The following ZNF684 variants were observed in gnomAD, a reference collection of about 807,000 sequenced individuals.
ZNF684 encodes zinc finger protein 684, also known as hypothetical protein MGC27466.
ZNF684 carries 13 observed loss-of-function variants against 12.8 expected under a neutral mutation model. The observed-to-expected ratio is 1.02, with a 90% CI of 0.66 to 1.62. The LOEUF (loss-of-function observed/expected upper bound fraction) is 1.62. ZNF684 is among the 40% of genes most tolerant of loss of function. The probability of loss-of-function intolerance (pLI) is 0.00; values close to 1 mark genes in which losing one functional copy is unlikely to be tolerated. For synonymous variants in ZNF684, 118 were observed against 151.8 expected, an observed-to-expected ratio of 0.78 and a Z score of 1.64; for missense variants, 384 against 446.9, an observed-to-expected ratio of 0.86 and a Z score of 1.27.
rs1199300584 is a variant in ZNF684, at chr1:40,541,648, A to G, written c.176A>G (p.Lys59Arg). 6.8e-6 allele frequency: 11 copies of G among 1,613,410 alleles called. No homozygotes were observed. The highest frequency in any genetic ancestry group is 1.1e-5 in the South Asian group (1 of 91,056). Residue 59 changes from lysine (K) to arginine (R), a missense_variant, in exon 4 of 5, where the codon AAG (lysine) becomes AGG (arginine). Coordinates refer to ENST00000372699, the MANE Select transcript of ZNF684 (RefSeq NM_152373.4). The stretch of plus-strand genomic sequence containing the variant: ...ATTACCAAAACAAAAGTGATCCTCA[A>G]GGTAGAGCAAGGACAAGAGCCATGG... ...CPITKTKVIL[K>R]VEQGQEPWMV...
chr1:40,546,997 T>A lies in ZNF684; in HGVS notation c.674T>A (p.Met225Lys). The A allele has an allele frequency of 6.2e-7, 1 of 1,614,120 alleles. No individual in the cohort carries two copies. The highest frequency in any genetic ancestry group is 8.5e-7 in the Non-Finnish European group (1 of 1,179,948). ...TGCAATGATTGTGGGAAGGCGTTTA[T>A]GCATAAAGCCCAACTCGTGGTCCAC... is the stretch of plus-strand genomic sequence containing the variant. ...FVCNDCGKAF[M>K]HKAQLVVHQR... The change falls in exon 5 of 5, where the codon ATG becomes AAG. Residue 225 changes from methionine (M) to lysine (K), a missense_variant. Transcript: ENST00000372699.
chr1:40,541,790 C>A, intron 4 of ZNF684, 80 bp downstream of exon 4: 1 of 1,161,038 alleles, frequency 8.6e-7, no homozygotes, highest in South Asian at 1.3e-5. Flanking sequence ...TTCTGAAATA[C>A]TCTTAGAAGC....
rs1345370219 is a variant in ZNF684 at position 40,547,521 on chromosome 1, A to G, written c.*61A>G. On this transcript the variant is annotated 3_prime_UTR_variant, in exon 5 of 5. Coordinates refer to ENST00000372699, the MANE Select transcript of ZNF684 (RefSeq NM_152373.4). Reference sequence around the variant, plus strand: ...TATTTGCTAAATCTTATTAAATACTAAAGAATTCATGGTGAGAAGTCTACA... The same window carrying G: ...TATTTGCTAAATCTTATTAAATACTGAAGAATTCATGGTGAGAAGTCTACA... The G allele has an allele frequency of 2.5e-5, 35 of 1,396,042 alleles. No homozygotes were observed. The highest frequency in any genetic ancestry group is 3.1e-5 in the Non-Finnish European group (33 of 1,049,624). The allele number at this position is 1,396,042 out of a possible 1,614,324, so 86.5% of individuals were successfully genotyped here. A position where few individuals can be genotyped will look rare whatever the true frequency, so the allele number is the denominator to read the frequency against.
At chr1:40,544,305 C>A in intron 4 of ZNF684, 1 of 315,862 alleles carries the variant, frequency 3.2e-6, no homozygotes, top group South Asian at 2.4e-5. Flanking sequence ...AAATATTTTC[C>A]CTGGTGGTTT....
intron 3 of ZNF684, 103 bp downstream of exon 3, chr1:40,540,815 T>C (rs1646010490): frequency 1.7e-6 from 2 of 1,190,758 alleles, no homozygotes; most frequent in Non-Finnish European, 2.2e-6. Flanking sequence ...CGCTCATGCT[T>C]ATAATCCCAG....
chr1:40,540,652 G>T lies in ZNF684; in HGVS notation c.82G>T (p.Ala28Ser), dbSNP rs1287408950. The T allele has an allele frequency of 1.2e-6, 2 of 1,612,620 alleles. No homozygotes were observed. Among genetic ancestry groups the T allele is most frequent in the Admixed American group, 3.3e-5 (2 of 59,844 alleles). ...TAEEWQLLDC[A>S]ERTLYWDVML... ...AGAGGAGTGGCAGCTGCTTGATTGT[G>T]CTGAGAGAACCCTGTATTGGGATGT... The change falls in exon 3 of 5, where the codon GCT becomes TCT. Residue 28 changes from alanine (A) to serine (S), a missense_variant. Physicochemically the swap from Ala to Ser is moderately conservative, Grantham distance 99. Transcript: ENST00000372699.
Position 40,546,671 on chromosome 1 carries a change from C to T in ZNF684, c.348C>T (p.Ile116=). The T allele has an allele frequency of 6.2e-7, 1 of 1,609,310 alleles. No individual in the cohort carries two copies. The highest frequency in any genetic ancestry group is 8.5e-7 in the Non-Finnish European group (1 of 1,178,854). The change falls in exon 5 of 5, where the codon ATC becomes ATT. Residue 116 remains isoleucine, a synonymous_variant. Transcript: ENST00000372699. ...TFNKILTMER[I]HHYNMSTSLN... Reference sequence around the variant, plus strand: ...ATAAAATTCTGACTATGGAGAGAATCCACCATTATAATATGAGCACAAGTC... The same window carrying T: ...ATAAAATTCTGACTATGGAGAGAATTCACCATTATAATATGAGCACAAGTC...
chr1:40,533,272 A>G, intron 2 of ZNF684, 91 bp downstream of exon 2: 1 of 1,286,760 alleles, frequency 7.8e-7, no homozygotes, highest in Non-Finnish European at 1.1e-6. Context: ...AATGTAAACC[A>G]AATAAAAGAT....
Position 40,542,535 on chromosome 1 carries a change from T to C in ZNF684, c.238+825T>C, listed in dbSNP as rs1018238954. On this transcript the variant is annotated intron_variant, in intron 4 of 4. Coordinates refer to ENST00000372699, the MANE Select transcript of ZNF684 (RefSeq NM_152373.4). ...CCTTTTGCTCAGGCCTTCTCTTCCA[T>C]CTTCTTGACTTCTCTCTACAATAAC... Among the ~76,000 whole-genome samples the C allele has an allele frequency of 2.6e-5, 4 of 152,334 alleles. No homozygotes were observed. The East Asian group carries it at 5.8e-4, about 22-fold the overall frequency.
At chr1:40,536,513 CT>C (rs199567978) in intron 2 of ZNF684, among the ~76,000 whole-genome samples, 24,574 of 140,760 alleles carry the variant, frequency 0.17, 2,561 homozygotes, top group East Asian at 0.45. Context: ...TCAGTAACAT[CT>C]TTTTTTTTTT....
chr1:40,547,134 T>C lies in ZNF684; in HGVS notation c.811T>C (p.Phe271Leu). 5 of 1,614,228 alleles carry C rather than the reference T, an allele frequency of 3.1e-6. No individual in the cohort carries two copies. The highest frequency in any genetic ancestry group is 3.4e-6 in the Non-Finnish European group (4 of 1,180,038). ...GAAATCTCATACACTTGAGAAGTCA[T>C]TTGAATGTAAGGAATGTGGGAAAAC... ...HVKSHTLEKS[F>L]ECKECGKTFR... Residue 271 changes from phenylalanine (F) to leucine (L), a missense_variant, in exon 5 of 5, where the codon TTT (phenylalanine) becomes CTT (leucine). Transcript: ENST00000372699.
rs1409415730 is a variant in ZNF684, at chr1:40,539,816, A to T, written c.16-770A>T. On this transcript the variant is annotated intron_variant, in intron 2 of 4. Transcript: ENST00000372699. ...TCATGGGCTTATTTACTATACACAT[A>T]CCAACACAGATACATAGATACATAC... 2.0e-5 allele frequency among the ~76,000 whole-genome samples: 3 copies of T among 151,942 alleles called. No individual in the cohort carries two copies. In the East Asian group the frequency reaches 5.8e-4, roughly 29 times the overall value.
At chr1:40,534,237 T>C (rs796473287) in intron 2 of ZNF684, among the ~76,000 whole-genome samples, 1 of 52,174 alleles carries the variant, frequency 1.9e-5, no homozygotes, top group Non-Finnish European at 3.4e-5. Flanking sequence ...TTTATTATAA[T>C]TTTTTTTTTT....
At chr1:40,546,534 AG>A in intron 4 of ZNF684, 27 bp from the exon 5 acceptor site, 1 of 1,502,930 alleles carries the variant, frequency 6.7e-7, no homozygotes, top group Non-Finnish European at 8.9e-7. Flanking sequence ...AAAAGTAACT[AG>A]GAATGTTTTG....
In ZNF684 at chr1:40,547,333, T is replaced by C. The variant is rs760334686; in HGVS notation, c.1010T>C (p.Ile337Thr). Residue 337 changes from isoleucine to threonine, a missense_variant, in exon 5 of 5, where the codon ATC (isoleucine) becomes ACC (threonine). Ile to Thr is a moderately conservative substitution (Grantham distance 89). Transcript: ENST00000372699. ...YSCIECGKAF[I>T]KKSHLLRHQI... ...TGTATTGAATGTGGCAAAGCCTTCA[T>C]CAAGAAGTCCCATCTCCTCAGACAT... 1.4e-5 allele frequency: 22 copies of C among 1,613,996 alleles called. No homozygotes were observed. In the South Asian group the frequency reaches 2.3e-4, roughly 17 times the overall value.
chr1:40,534,236 A>ATTTTT (rs556340597), intron 2 of ZNF684, among the ~76,000 whole-genome samples: 1 of 102,598 alleles, frequency 9.7e-6, no homozygotes, highest in Non-Finnish European at 1.9e-5. Context: ...TTTTATTATA[A>ATTTTT]TTTTTTTTTT....
chr1:40,541,761 G>T (rs776008690), intron 4 of ZNF684, 51 bp downstream of exon 4: 8 of 1,458,116 alleles, frequency 5.5e-6, no homozygotes, highest in Non-Finnish European at 7.6e-6. Context: ...ATCCCCATTG[G>T]TCAGTGAGGG....
At chr1:40,541,105 T>C (rs766085094) in intron 3 of ZNF684, among the ~76,000 whole-genome samples, 1 of 151,726 alleles carries the variant, frequency 6.6e-6, no homozygotes, top group Non-Finnish European at 1.5e-5. Flanking sequence ...CCCTACATTT[T>C]AGTTGTCAAA....
intron 3 of ZNF684, among the ~76,000 whole-genome samples, chr1:40,540,967 G>T (rs1012745443): frequency 1.3e-5 from 2 of 149,586 alleles, no homozygotes; most frequent in African/African-American, 5.0e-5. Flanking sequence ...TGAGGTGGAA[G>T]GATCGCTTGA....
Sources: allele counts gnomAD v4.1 joint callset (sites outside exome capture counted in the v4.1 genomes callset), GRCh38; gene constraint gnomAD v4.1.1; transcripts MANE v1.5; gene names NCBI Gene and HGNC (gene_info 2026-07-23, HGNC 2026-07-21).